Variants in LSR observed in about 807,000 individuals in gnomAD.
LSR encodes lipolysis-stimulated lipoprotein receptor.
Under a neutral mutation model 61.8 loss-of-function variants are expected in LSR, and 44 were observed. That is an observed-to-expected ratio of 0.71 (90% CI 0.56 to 0.91). The LOEUF (loss-of-function observed/expected upper bound fraction) is 0.91. LSR is among the 40% of genes least tolerant of loss of function. The pLI, the probability that LSR is intolerant of heterozygous loss-of-function variation, is 0.00. For missense variants in LSR, 911 were observed against 830.5 expected (o/e 1.10, Z -1.19); for synonymous variants, 397 against 350.6 (o/e 1.13, Z -1.48).
chr19:35,257,351 C>T lies in LSR; in HGVS notation c.455-1594C>T, dbSNP rs142517203. 4.6e-3 allele frequency among the ~76,000 whole-genome samples: 703 copies of T among 152,230 alleles called. 8 individuals are homozygous for T. The highest frequency in any genetic ancestry group is 5.3e-3 in the Non-Finnish European group (360 of 68,012). ...CAGGGGGACAGTGCAAATCTAGAAC[C>T]AAGGCGATGGCAGGGGTGAGGCTGG... On this transcript the variant is annotated intron_variant, in intron 2 of 9. Coordinates refer to ENST00000605618, the MANE Select transcript of LSR (RefSeq NM_205834.4).
intron 2 of LSR, among the ~76,000 whole-genome samples, chr19:35,252,170 T>C (rs1485992097): frequency 1.3e-5 from 2 of 152,064 alleles, no homozygotes; most frequent in Non-Finnish European, 2.9e-5. Flanking sequence ...CCTGATAGGA[T>C]GTGCCTGTTG....
intron 2 of LSR, chr19:35,253,153 C>G (rs1398384656): frequency 1.3e-5 from 2 of 152,204 alleles, no homozygotes; most frequent in African/African-American, 4.8e-5. Context: ...AATCCCATCT[C>G]TACTAAAAAT....
rs115675247 is a variant in LSR, at chr19:35,256,680, T to A, written c.455-2265T>A. ...ATACTGCCTAGAACATAGGTGGTAC[T>A]CAGTAATTATTGTTGAAGGATGAAT... On this transcript the variant is annotated intron_variant, in intron 2 of 9. Coordinates refer to ENST00000605618, the MANE Select transcript of LSR (RefSeq NM_205834.4). Among the ~76,000 whole-genome samples the A allele has an allele frequency of 9.9e-3, 1,499 of 151,138 alleles. 24 individuals carry two copies. The highest frequency in any genetic ancestry group is 0.035 in the African/African-American group (1,436 of 40,992).
rs370824872 is a variant in LSR at position 35,267,877 on chromosome 19, A to C, written c.*18A>C. ...TCGTCTGATCTGACGTTTTCTACGTAGCTTTTGTATTTTTTTTTTTAATTT... is the reference window on the plus strand; with the variant it reads ...TCGTCTGATCTGACGTTTTCTACGTCGCTTTTGTATTTTTTTTTTTAATTT... On this transcript the variant is annotated 3_prime_UTR_variant, in exon 10 of 10. Transcript: ENST00000605618. 2.5e-6 allele frequency: 4 copies of C among 1,611,718 alleles called. No homozygotes were observed. In the African/African-American group the frequency reaches 4.0e-5, roughly 16 times the overall value.
At chr19:35,266,620 G>T in intron 6 of LSR, 59 bp from the exon 7 acceptor site, 2 of 1,597,556 alleles carry the variant, frequency 1.3e-6, no homozygotes, top group Non-Finnish European at 1.7e-6. Flanking sequence ...AGAGTGTCTT[G>T]GGAGCCGAGG....
chr19:35,250,648 C>A lies in LSR; in HGVS notation c.443C>A (p.Thr148Asn). The part of the protein sequence containing the change: ...LGDYYQGRRI[T>N]ITGNADLTFD... ...GATTACTACCAGGGCCGGAGGATTA[C>A]CATCACCGGAAGTATGTTGGGCAGG... is the stretch of plus-strand genomic sequence containing the variant. Residue 148 changes from threonine to asparagine, a missense_variant, in exon 2 of 10, where the codon ACC becomes AAC. Physicochemically the swap from Thr to Asn is moderately conservative, Grantham distance 65. Transcript: ENST00000605618. 1 of 1,560,662 alleles carries A rather than the reference C, an allele frequency of 6.4e-7. No homozygotes were observed. Among genetic ancestry groups the A allele is most frequent in the Non-Finnish European group, 8.7e-7 (1 of 1,146,214 alleles).
Position 35,266,912 on chromosome 19 carries a change from G to T in LSR, c.1089G>T (p.Glu363Asp). 6.2e-7 allele frequency: 1 copy of T among 1,613,856 alleles called. No individual in the cohort carries two copies. Among genetic ancestry groups the T allele is most frequent in the African/African-American group, 1.3e-5 (1 of 75,052 alleles). The change falls in exon 8 of 10, where the codon GAG becomes GAT. Residue 363 changes from glutamate (E) to aspartate (D), a missense_variant. Coordinates refer to ENST00000605618, the MANE Select transcript of LSR (RefSeq NM_205834.4). ...SMRVLYYMEK[E>D]LANFDPSRPG... ...GGGTCCTGTACTACATGGAGAAGGAGCTGGCCAACTTCGACCCTTCTCGAC... is the reference window on the plus strand; with the variant it reads ...GGGTCCTGTACTACATGGAGAAGGATCTGGCCAACTTCGACCCTTCTCGAC...
At position 35,249,049 on chromosome 19, in the gene LSR, C is replaced by T. The variant is rs745638518; in HGVS notation, c.27C>T (p.Ser9=). The T allele has an allele frequency of 2.5e-6, 4 of 1,586,918 alleles. No individual in the cohort carries two copies. Among genetic ancestry groups the T allele is most frequent in the Middle Eastern group, 1.9e-4 (1 of 5,244 alleles). ...TGGCGCTGTTGGCCGGCGGGCTCTCCAGAGGGCTGGGCTCCCACCCGGCCG... is the reference window on the plus strand; with the variant it reads ...TGGCGCTGTTGGCCGGCGGGCTCTCTAGAGGGCTGGGCTCCCACCCGGCCG... MALLAGGL[S]RGLGSHPAAA... is the part of the protein sequence containing the mutation. The change falls in exon 1 of 10, where the codon TCC becomes TCT. Residue 9 remains serine (S), a synonymous_variant. Transcript: ENST00000605618.
At chr19:35,257,255 TGGTC>T in intron 2 of LSR, among the ~76,000 whole-genome samples, 1 of 152,148 alleles carries the variant, frequency 6.6e-6, no homozygotes, top group South Asian at 2.1e-4. Context: ...AGGCAAAGGA[TGGTC>T]GGCCCCTAAG....
intron 2 of LSR, among the ~76,000 whole-genome samples, chr19:35,253,033 A>C (rs1264034858): frequency 6.6e-6 from 1 of 150,890 alleles, no homozygotes; most frequent in Non-Finnish European, 1.5e-5. Context: ...AATGAAAAGA[A>C]AATAGGCTGG....
In LSR at chr19:35,259,002, C is replaced by A; in HGVS notation, c.512C>A (p.Ser171Tyr). ...GGGGACAGTGGTGTGTATTACTGCT[C>A]CGTGGTCTCAGCCCAGGACCTCCAG... ...AWGDSGVYYC[S>Y]VVSAQDLQGN... Residue 171 changes from serine to tyrosine, a missense_variant, in exon 3 of 10, where the codon TCC becomes TAC. Transcript: ENST00000605618. 6.2e-7 allele frequency: 1 copy of A among 1,614,096 alleles called. No individual in the cohort carries two copies. Among genetic ancestry groups the A allele is most frequent in the Non-Finnish European group, 8.5e-7 (1 of 1,180,012 alleles).
rs767247120 is a variant in LSR, at chr19:35,266,955, C to G, written c.1132C>G (p.Arg378Gly). Reference sequence around the variant, plus strand: ...TTCTCGACCTGGCCCCCCCAGTGGCCGTGTGGAGCGGGGTAAGCAGGAGCC... The same window carrying G: ...TTCTCGACCTGGCCCCCCCAGTGGCGGTGTGGAGCGGGGTAAGCAGGAGCC... The part of the protein sequence containing the change: ...DPSRPGPPSG[R>G]VERAMSEVTS... Residue 378 changes from arginine (R) to glycine (G), a missense_variant, in exon 8 of 10, where the codon CGT (arginine) becomes GGT (glycine). Transcript: ENST00000605618. The G allele has an allele frequency of 6.2e-7, 1 of 1,612,564 alleles. No homozygotes were observed. Among genetic ancestry groups the G allele is most frequent in the Non-Finnish European group, 8.5e-7 (1 of 1,179,268 alleles).
chr19:35,259,750 G>T (rs536038001), intron 3 of LSR, among the ~76,000 whole-genome samples: 2 of 152,176 alleles, frequency 1.3e-5, no homozygotes, highest in Non-Finnish European at 2.9e-5. Flanking sequence ...CATCTCACCC[G>T]AGTCCCTCGC....
At chr19:35,249,169 G>C (rs1167347792) in intron 1 of LSR, 38 bp downstream of exon 1, 8 of 1,517,542 alleles carry the variant, frequency 5.3e-6, no homozygotes, top group South Asian at 1.3e-5. Flanking sequence ...CGGAACGCCG[G>C]AGGGAACTGT....
At chr19:35,256,760 C>T (rs2853333) in intron 2 of LSR, among the ~76,000 whole-genome samples, 71,235 of 151,806 alleles carry the variant, frequency 0.47, 17,465 homozygotes, top group Middle Eastern at 0.56. Flanking sequence ...TCTTTGAATC[C>T]AGCCATGTGC....
chr19:35,250,638 C>G lies in LSR; in HGVS notation c.433C>G (p.Arg145Gly), dbSNP rs543260729. The change falls in exon 2 of 10, where the codon CGG (arginine) becomes GGG (glycine). Residue 145 changes from arginine to glycine, a missense_variant. Coordinates refer to ENST00000605618, the MANE Select transcript of LSR (RefSeq NM_205834.4). The stretch of plus-strand genomic sequence containing the variant: ...GACCCTGGGAGATTACTACCAGGGC[C>G]GGAGGATTACCATCACCGGAAGTAT... The part of the protein sequence containing the change: ...AVTLGDYYQG[R>G]RITITGNADL... 3.2e-6 allele frequency: 5 copies of G among 1,570,190 alleles called. No individual in the cohort carries two copies. Among genetic ancestry groups the G allele is most frequent in the Non-Finnish European group, 4.3e-6 (5 of 1,151,448 alleles).
chr19:35,262,423 C>G, intron 4 of LSR, 123 bp from the exon 5 acceptor site: 1 of 1,121,374 alleles, frequency 8.9e-7, no homozygotes, highest in South Asian at 1.4e-5. Flanking sequence ...GCTGCAGGTT[C>G]CTTGGTGAGC....
chr19:35,266,904 G>A lies in LSR; in HGVS notation c.1081G>A (p.Glu361Lys), dbSNP rs927082354. 1 of 1,613,816 alleles carries A rather than the reference G, an allele frequency of 6.2e-7. No individual in the cohort carries two copies. ...CTCCATGCGGGTCCTGTACTACATG[G>A]AGAAGGAGCTGGCCAACTTCGACCC... ...DDSMRVLYYM[E>K]KELANFDPSR... Residue 361 changes from glutamate to lysine, a missense_variant, in exon 8 of 10, where the codon GAG (glutamate) becomes AAG (lysine). By Grantham distance (56) the Glu-to-Lys change is moderately conservative. Coordinates refer to ENST00000605618, the MANE Select transcript of LSR (RefSeq NM_205834.4).
intron 2 of LSR, chr19:35,253,345 C>T (rs1358716513): frequency 1.3e-5 from 2 of 152,172 alleles, no homozygotes; most frequent in Non-Finnish European, 2.9e-5. Flanking sequence ...GAAAATAGCA[C>T]TGGGTGATGT....
Sources: allele counts gnomAD v4.1 joint callset (sites outside exome capture counted in the v4.1 genomes callset), GRCh38; gene constraint gnomAD v4.1.1; transcripts MANE v1.5; gene names NCBI Gene and HGNC (gene_info 2026-07-23, HGNC 2026-07-21).